WWC2: variants seen among roughly 807,000 people sequenced by gnomAD.
WWC2 encodes the protein WW and C2 domain containing 2.
In WWC2, 101 loss-of-function variants were observed where a neutral mutation model predicts 138.5. That is an observed-to-expected ratio of 0.73 (90% CI 0.62 to 0.86). The LOEUF (loss-of-function observed/expected upper bound fraction) is 0.86. Among genes scored for constraint, WWC2 ranks in the 40% least tolerant of loss-of-function variants. WWC2 has a pLI of 0.00. For synonymous variants in WWC2, 558 were observed against 538.4 expected (o/e 1.04, Z -0.50); for missense variants, 1,420 against 1,419.4 (o/e 1.00, Z -0.01).
At chr4:183,313,834 A>G (rs1490491361) in intron 22 of WWC2, among the ~76,000 whole-genome samples, 1 of 149,648 alleles carries the variant, frequency 6.7e-6, no homozygotes, top group Non-Finnish European at 1.5e-5. Context: ...GAGAACTGAA[A>G]AGTACATCCG....
intron 1 of WWC2, among the ~76,000 whole-genome samples, chr4:183,102,931 A>G (rs1179650529): frequency 1.4e-5 from 2 of 145,692 alleles, no homozygotes; most frequent in South Asian, 2.2e-4. Context: ...GATTGGCTTC[A>G]TTGCCTTTTG....
At chr4:183,258,870 A>G (rs1450141354) in intron 9 of WWC2, among the ~76,000 whole-genome samples, 3 of 152,220 alleles carry the variant, frequency 2.0e-5, no homozygotes, top group African/African-American at 7.2e-5. Context: ...GACATAGACT[A>G]TACTTGCACA....
intron 1 of WWC2, among the ~76,000 whole-genome samples, chr4:183,159,730 A>T (rs201784913): frequency 9.6e-5 from 6 of 62,644 alleles, no homozygotes; most frequent in East Asian, 6.2e-4. Flanking sequence ...TTTTTTTTTT[A>T]AAAAAAAAAA....
intron 2 of WWC2, among the ~76,000 whole-genome samples, chr4:183,195,490 A>G (rs1735113794): frequency 6.6e-6 from 1 of 152,130 alleles, no homozygotes. Context: ...CCACCCCTAC[A>G]GATACCTCTT....
chr4:183,289,611 G>T lies in WWC2; in HGVS notation c.3360G>T (p.Arg1120Ser), dbSNP rs750731983. Reference sequence around the variant, plus strand: ...TGCTGGAGGATGAGAGGTTCCAGAGGCTTCTGAAGCAAGCTGAGAAGCAGG... The same window carrying T: ...TGCTGGAGGATGAGAGGTTCCAGAGTCTTCTGAAGCAAGCTGAGAAGCAGG... ...PGVLEDERFQ[R>S]LLKQAEKQAE... Residue 1120 changes from arginine (R) to serine (S), a missense_variant, in exon 21 of 23, where the codon AGG becomes AGT. Arg to Ser is a moderately radical substitution (Grantham distance 110, BLOSUM62 -1). Coordinates refer to ENST00000403733, the MANE Select transcript of WWC2 (RefSeq NM_024949.6). The T allele has an allele frequency of 1.9e-6, 3 of 1,613,892 alleles. No individual in the cohort carries two copies. Among genetic ancestry groups the T allele is most frequent in the South Asian group, 2.2e-5 (2 of 91,062 alleles).
At chr4:183,225,261 T>C (rs1010963270) in intron 4 of WWC2, among the ~76,000 whole-genome samples, 5 of 152,216 alleles carry the variant, frequency 3.3e-5, no homozygotes, top group African/African-American at 1.2e-4. Context: ...AACAGTGTGA[T>C]AGTGACACAA....
intron 4 of WWC2, among the ~76,000 whole-genome samples, chr4:183,226,184 C>T (rs1736069360): frequency 6.6e-6 from 1 of 150,656 alleles, no homozygotes; most frequent in African/African-American, 2.4e-5. Flanking sequence ...GCAGCCTCAG[C>T]CTCCCAGACT....
chr4:183,123,230 A>G (rs1035639156), intron 1 of WWC2, among the ~76,000 whole-genome samples: 7 of 152,220 alleles, frequency 4.6e-5, no homozygotes, highest in African/African-American at 1.7e-4. Context: ...TGTAAACCCA[A>G]AAAATTTTGA....
At chr4:183,129,640 G>A (rs1169550475) in intron 1 of WWC2, among the ~76,000 whole-genome samples, 3 of 152,184 alleles carry the variant, frequency 2.0e-5, no homozygotes, top group Admixed American at 6.5e-5. Context: ...AATCTGTACA[G>A]TTGTTCTTTC....
rs971021471 is a variant in WWC2, at chr4:183,231,933, G to A, written c.523-8250G>A. Among the ~76,000 whole-genome samples the A allele has an allele frequency of 9.8e-5, 15 of 152,292 alleles. No individual in the cohort carries two copies. In the South Asian group the frequency reaches 1.0e-3, roughly 11 times the overall value. On this transcript the variant is annotated intron_variant, in intron 4 of 22. Transcript: ENST00000403733. ...ATCAGTCAGGTGGGGGAGAATCAGC[G>A]TACATACAGGTTTTGACACAGGAGA...
chr4:183,165,951 A>G lies in WWC2; in HGVS notation c.132-27648A>G, dbSNP rs530438464. Among the ~76,000 whole-genome samples the G allele has an allele frequency of 2.0e-5, 3 of 152,358 alleles. No homozygotes were observed. In the East Asian group the frequency reaches 5.8e-4, roughly 29 times the overall value. On this transcript the variant is annotated intron_variant, in intron 1 of 22. Coordinates refer to ENST00000403733, the MANE Select transcript of WWC2 (RefSeq NM_024949.6). ...GTCTCATTTATGGAGTCCCCAGAGT[A>G]GTAACTTGATACATTTATGTAGCAG...
At chr4:183,281,289 GTATT>G (rs1254452605) in intron 17 of WWC2, 2 of 236,440 alleles carry the variant, frequency 8.5e-6, no homozygotes, top group Non-Finnish European at 1.6e-5. Context: ...GACAAAGCAG[GTATT>G]TAAAAAACAA....
At chr4:183,110,579 T>G (rs1365311998) in intron 1 of WWC2, among the ~76,000 whole-genome samples, 1 of 152,154 alleles carries the variant, frequency 6.6e-6, no homozygotes, top group Non-Finnish European at 1.5e-5. Flanking sequence ...GAGCTGTTTT[T>G]TCACTCCTGT....
intron 21 of WWC2, among the ~76,000 whole-genome samples, chr4:183,297,843 T>C (rs1738688779): frequency 6.6e-6 from 1 of 152,252 alleles, no homozygotes; most frequent in Non-Finnish European, 1.5e-5. Flanking sequence ...AAGGCCATGC[T>C]AACCACATCT....
intron 21 of WWC2, among the ~76,000 whole-genome samples, chr4:183,303,651 T>G (rs1738932810): frequency 6.6e-6 from 1 of 152,238 alleles, no homozygotes; most frequent in African/African-American, 2.4e-5. Context: ...AGAATTGTCT[T>G]TCTATTTAAT....
At chr4:183,296,424 GT>G (rs940043511) in intron 21 of WWC2, among the ~76,000 whole-genome samples, 1 of 152,172 alleles carries the variant, frequency 6.6e-6, no homozygotes, top group African/African-American at 2.4e-5. Flanking sequence ...GATCTCCTTT[GT>G]TTTGCCCAGT....
chr4:183,131,499 G>A (rs948799702), intron 1 of WWC2, among the ~76,000 whole-genome samples: 1 of 152,084 alleles, frequency 6.6e-6, no homozygotes, highest in Admixed American at 6.5e-5. Context: ...TTCCTAGATG[G>A]GGTTTTTGTT....
chr4:183,136,500 A>G (rs1338768359), intron 1 of WWC2, among the ~76,000 whole-genome samples: 2 of 152,178 alleles, frequency 1.3e-5, no homozygotes, highest in Non-Finnish European at 2.9e-5. Flanking sequence ...GAAACATAGT[A>G]CGCATGCTTA....
At chr4:183,103,329 G>GTTT (rs1743238362) in intron 1 of WWC2, among the ~76,000 whole-genome samples, 4 of 142,618 alleles carry the variant, frequency 2.8e-5, no homozygotes, top group African/African-American at 1.1e-4. Context: ...ACTCTGTATT[G>GTTT]TCTTTTTTTT....
Sources: gnomAD v4.1 joint callset for allele counts (sites outside exome capture counted in the v4.1 genomes callset) on GRCh38, gnomAD v4.1.1 for gene constraint, MANE v1.5 for transcripts, NCBI Gene and HGNC (gene_info 2026-07-23, HGNC 2026-07-21) for gene names.